DOCK5: variants seen among roughly 807,000 people sequenced by gnomAD.
DOCK5 encodes dedicator of cytokinesis protein 5.
In DOCK5, 142 loss-of-function variants were observed where a neutral mutation model predicts 251.8. That is an observed-to-expected ratio of 0.56 (90% CI 0.49 to 0.65). The LOEUF (loss-of-function observed/expected upper bound fraction) is 0.65. DOCK5 is among the 30% of genes least tolerant of loss of function. The probability of loss-of-function intolerance (pLI) is 0.00; values close to 1 mark genes in which losing one functional copy is unlikely to be tolerated. For missense variants in DOCK5, 2,111 were observed against 2,312.3 expected (o/e 0.91, Z 1.79); for synonymous variants, 842 against 835.5 (o/e 1.01, Z -0.13).
intron 51 of DOCK5, among the ~76,000 whole-genome samples, chr8:25,410,674 C>G (rs1044183321): frequency 6.8e-5 from 10 of 146,686 alleles, no homozygotes; most frequent in African/African-American, 2.6e-4. Context: ...ATTGCCCAGG[C>G]TGATCTCAAA....
At chr8:25,297,202 C>T (rs1050472679) in intron 7 of DOCK5, among the ~76,000 whole-genome samples, 16 of 152,040 alleles carry the variant, frequency 1.1e-4, no homozygotes, top group African/African-American at 3.9e-4. Flanking sequence ...TCAAGCAATT[C>T]TCCTGCCTCA....
At position 25,296,612 on chromosome 8, in the gene DOCK5, C is replaced by T. The variant is rs746387195; in HGVS notation, c.570C>T (p.Ala190=). 1 of 1,612,580 alleles carries T rather than the reference C, an allele frequency of 6.2e-7. No homozygotes were observed. The highest frequency in any genetic ancestry group is 2.2e-5 in the East Asian group (1 of 44,822). The stretch of plus-strand genomic sequence containing the variant: ...CCCTCTTCAAGGCCCATGAGGTGGC[C>T]TCCAAAAGGATTGAGGAAAAGATCC... The part of the protein sequence containing the change: ...TIALFKAHEV[A]SKRIEEKIQE... The change falls in exon 7 of 52, where the codon GCC becomes GCT. Residue 190 remains alanine (A), a synonymous_variant. Transcript: ENST00000276440.
intron 21 of DOCK5, 139 bp downstream of exon 21, chr8:25,334,335 C>T (rs566613388): frequency 1.2e-4 from 81 of 692,266 alleles, no homozygotes; most frequent in African/African-American, 4.9e-4. Flanking sequence ...TCTAAGCTTC[C>T]GGGTGGAAAA....
intron 1 of DOCK5, among the ~76,000 whole-genome samples, chr8:25,190,512 T>C (rs1454086204): frequency 1.3e-5 from 2 of 152,190 alleles, no homozygotes; most frequent in African/African-American, 4.8e-5. Flanking sequence ...AGTAGTGCAA[T>C]TGCGGTTTAT....
chr8:25,260,796 CTTTT>C (rs756698835), intron 2 of DOCK5, among the ~76,000 whole-genome samples: 7 of 146,564 alleles, frequency 4.8e-5, no homozygotes, highest in African/African-American at 1.2e-4. Flanking sequence ...TTCTTTCTTT[CTTTT>C]TTTTTTTTTT....
intron 46 of DOCK5, 128 bp downstream of exon 46, chr8:25,400,122 A>G: frequency 1.4e-6 from 1 of 700,462 alleles, no homozygotes; most frequent in Non-Finnish European, 2.4e-6. Context: ...TTGTGAAAGC[A>G]CCACCTATCT....
intron 1 of DOCK5, among the ~76,000 whole-genome samples, chr8:25,188,236 A>G (rs1801481890): frequency 6.6e-6 from 1 of 152,214 alleles, no homozygotes; most frequent in South Asian, 2.1e-4. Flanking sequence ...TTATCTCTGC[A>G]AGTAAGAGAA....
chr8:25,315,264 G>T (rs1412335934), intron 13 of DOCK5, among the ~76,000 whole-genome samples: 1 of 151,136 alleles, frequency 6.6e-6, no homozygotes, highest in Non-Finnish European at 1.5e-5. Context: ...CTGGGCCTTT[G>T]CACAGGCCAC....
intron 1 of DOCK5, among the ~76,000 whole-genome samples, chr8:25,223,512 G>A (rs538903147): frequency 2.1e-4 from 32 of 151,860 alleles, no homozygotes; most frequent in African/African-American, 7.5e-4. Flanking sequence ...ATGAGGTCTC[G>A]CTCTGCTGCC....
chr8:25,336,094 T>C (rs2117223621), intron 21 of DOCK5, 145 bp from the exon 22 acceptor site: 1 of 805,980 alleles, frequency 1.2e-6, no homozygotes, highest in East Asian at 2.8e-5. Flanking sequence ...AAGAGTTAAT[T>C]TTGCTGTTCA....
intron 13 of DOCK5, 102 bp from the exon 14 acceptor site, chr8:25,316,905 C>T: frequency 6.9e-7 from 1 of 1,443,290 alleles, no homozygotes; most frequent in Non-Finnish European, 9.4e-7. Context: ...CAGTATAAAA[C>T]CAGACCATTT....
intron 25 of DOCK5, among the ~76,000 whole-genome samples, chr8:25,342,865 A>T (rs1335722896): frequency 1.3e-5 from 2 of 148,638 alleles, no homozygotes; most frequent in Non-Finnish European, 3.0e-5. Context: ...AGCCCAGCTA[A>T]TTTTTTTTTA....
Position 25,400,926 on chromosome 8 carries a change from C to A in DOCK5, c.4789-3C>A. On this transcript the variant is annotated splice_polypyrimidine_tract_variant and splice_region_variant and intron_variant, in intron 46 of 51. Coordinates refer to ENST00000276440, the MANE Select transcript of DOCK5 (RefSeq NM_024940.8). ...TGCACTCATTTTTTGCCCTTCTTTCCAGATGCCCCTGCTAACAGAAGGGAT... is the reference window on the plus strand; with the variant it reads ...TGCACTCATTTTTTGCCCTTCTTTCAAGATGCCCCTGCTAACAGAAGGGAT... 6.2e-7 allele frequency: 1 copy of A among 1,613,440 alleles called. No homozygotes were observed. Among genetic ancestry groups the A allele is most frequent in the South Asian group, 1.1e-5 (1 of 91,044 alleles).
rs1478621644 is a variant in DOCK5 at position 25,400,506 on chromosome 8, A to AAAAAAAAAG, written c.4789-418_4789-417insAAAGAAAAA. Among the ~76,000 whole-genome samples the AAAAAAAAAG allele has an allele frequency of 1.5e-4, 22 of 151,244 alleles. 1 individual carries two copies. The highest frequency in any genetic ancestry group is 1.1e-3 in the South Asian group (5 of 4,752). On this transcript the variant is annotated intron_variant, in intron 46 of 51. Transcript: ENST00000276440. ...GAGTGAGACTCCATCTCAAAAAAAA[A>AAAAAAAAAG]AAAAAGAAAAGTTCATCTGTTGGTT...
At chr8:25,199,380 CT>C (rs564264937) in intron 1 of DOCK5, among the ~76,000 whole-genome samples, 30 of 117,880 alleles carry the variant, frequency 2.5e-4, no homozygotes, top group South Asian at 1.6e-3. Flanking sequence ...CCGCTCTGTT[CT>C]TTTTTTTTTT....
chr8:25,227,757 A>G (rs922562106), intron 1 of DOCK5, among the ~76,000 whole-genome samples: 1 of 152,230 alleles, frequency 6.6e-6, no homozygotes, highest in African/African-American at 2.4e-5. Flanking sequence ...TTTATGAATA[A>G]AGATATATCC....
intron 25 of DOCK5, among the ~76,000 whole-genome samples, chr8:25,344,685 C>A (rs1405443520): frequency 1.3e-5 from 2 of 152,138 alleles, no homozygotes; most frequent in Non-Finnish European, 2.9e-5. Context: ...AGAGGTAATG[C>A]CTGCAAAAGG....
intron 13 of DOCK5, among the ~76,000 whole-genome samples, chr8:25,314,163 T>C (rs1453265244): frequency 2.1e-5 from 3 of 142,458 alleles, no homozygotes; most frequent in Middle Eastern, 3.7e-3. Context: ...CAGGCTGGAG[T>C]ATAGTTGTGT....
chr8:25,255,322 G>A (rs1222705447), intron 2 of DOCK5, among the ~76,000 whole-genome samples: 1 of 152,202 alleles, frequency 6.6e-6, no homozygotes, highest in Non-Finnish European at 1.5e-5. Flanking sequence ...TTCAGTAGGT[G>A]AATGGATAAA....
Sources: allele counts gnomAD v4.1 joint callset (sites outside exome capture counted in the v4.1 genomes callset), GRCh38; gene constraint gnomAD v4.1.1; transcripts MANE v1.5; gene names NCBI Gene and HGNC (gene_info 2026-07-23, HGNC 2026-07-21).